The following IL1RAPL2 variants were observed in gnomAD, a reference collection of about 807,000 sequenced individuals.
The protein encoded by IL1RAPL2 is X-linked interleukin-1 receptor accessory protein-like 2.
A neutral mutation model predicts 44.1 loss-of-function variants in IL1RAPL2; 3 were observed. That is an observed-to-expected ratio of 0.07 (90% CI 0.03 to 0.18). The LOEUF (loss-of-function observed/expected upper bound fraction) is 0.18. Among genes scored for constraint, IL1RAPL2 ranks in the 10% least tolerant of loss-of-function variants. The pLI is 1.00. For synonymous variants in IL1RAPL2, 181 were observed against 178.8 expected, an observed-to-expected ratio of 1.01 and a Z score of -0.10; for missense variants, 391 against 496.4, an observed-to-expected ratio of 0.79 and a Z score of 2.02.
At chrX:104,726,916 T>A (rs193206246) in intron 2 of IL1RAPL2, among the ~76,000 whole-genome samples, 1 of 109,647 alleles carries the variant, frequency 9.1e-6, no homozygotes, top group South Asian at 3.9e-4. Flanking sequence ...TTATATGGAT[T>A]TTCTATCTCT....
intron 6 of IL1RAPL2, among the ~76,000 whole-genome samples, chrX:105,557,622 A>T (rs1349845991): frequency 2.7e-5 from 3 of 111,162 alleles, no homozygotes; most frequent in Non-Finnish European, 5.7e-5. Context: ...AATACAAAAA[A>T]ATCTCCCTTC....
intron 2 of IL1RAPL2, among the ~76,000 whole-genome samples, chrX:104,956,461 A>AGTGTGTGTGTGTGTGTGTGTGTGTGTGT (rs59541869): frequency 1.1e-3 from 92 of 84,085 alleles, no homozygotes; most frequent in African/African-American, 3.7e-3. Flanking sequence ...GTCTCTACTA[A>AGTGTGTGTGTGTGTGTGTGTGTGTGTGT]GTGTGTGTGT....
intron 10 of IL1RAPL2, among the ~76,000 whole-genome samples, chrX:105,766,574 A>G (rs1424838841): frequency 9.0e-6 from 1 of 111,246 alleles, no homozygotes; most frequent in Non-Finnish European, 1.9e-5. Flanking sequence ...AAACCCATAA[A>G]TACAGTAACT....
rs1010685667 is a variant in IL1RAPL2, at chrX:105,440,336, A to C, written c.698-43977A>C. ...TGAAAAGATGGCATAATTTAACTATATTAATAGTTTTAGGTTTAAGTGAAG... is the reference window on the plus strand; with the variant it reads ...TGAAAAGATGGCATAATTTAACTATCTTAATAGTTTTAGGTTTAAGTGAAG... On this transcript the variant is annotated intron_variant, in intron 5 of 10. Transcript: ENST00000372582. Among the ~76,000 whole-genome samples, 5 of 112,419 alleles carry C rather than the reference A, an allele frequency of 4.4e-5. No individual in the cohort carries two copies. The East Asian group carries it at 1.4e-3, about 32-fold the overall frequency.
At chrX:104,951,151 C>A (rs368952701) in intron 2 of IL1RAPL2, among the ~76,000 whole-genome samples, 1 of 112,043 alleles carries the variant, frequency 8.9e-6, no homozygotes, top group Non-Finnish European at 1.9e-5. Flanking sequence ...GCGTCACTCA[C>A]GCTGGGAGCT....
At chrX:104,838,261 A>C (rs1349704510) in intron 2 of IL1RAPL2, among the ~76,000 whole-genome samples, 1 of 111,993 alleles carries the variant, frequency 8.9e-6, no homozygotes, top group African/African-American at 3.2e-5. Flanking sequence ...TATTCTGAGA[A>C]GAAAGTCAGT....
intron 6 of IL1RAPL2, among the ~76,000 whole-genome samples, chrX:105,635,173 G>A (rs1428450711): frequency 8.9e-6 from 1 of 111,835 alleles, no homozygotes; most frequent in Admixed American, 9.6e-5. Context: ...AGCAAAATTT[G>A]TGGTGCTAGT....
intron 5 of IL1RAPL2, among the ~76,000 whole-genome samples, chrX:105,354,895 C>A (rs1318786493): frequency 9.0e-6 from 1 of 111,438 alleles, no homozygotes; most frequent in Non-Finnish European, 1.9e-5. Context: ...ATTCCCCCTC[C>A]TATGCTCTCC....
intron 2 of IL1RAPL2, among the ~76,000 whole-genome samples, chrX:104,698,132 C>T (rs1319207462): frequency 1.8e-5 from 2 of 112,453 alleles, no homozygotes; most frequent in Non-Finnish European, 3.8e-5. Context: ...GGGGCCCTTT[C>T]CATAGGGCAG....
intron 1 of IL1RAPL2, among the ~76,000 whole-genome samples, chrX:104,593,267 G>A (rs1173449143): frequency 4.5e-5 from 5 of 111,492 alleles, no homozygotes; most frequent in Non-Finnish European, 9.4e-5. Flanking sequence ...AAAGGGAATT[G>A]GTAGCATTCA....
chrX:104,621,820 C>G (rs1053319350), intron 1 of IL1RAPL2, among the ~76,000 whole-genome samples: 3 of 111,723 alleles, frequency 2.7e-5, no homozygotes, highest in Non-Finnish European at 3.8e-5. Context: ...GGACTATGAA[C>G]AGTACTCAGT....
intron 2 of IL1RAPL2, among the ~76,000 whole-genome samples, chrX:105,141,183 T>C (rs1460160652): frequency 1.8e-5 from 2 of 111,511 alleles, no homozygotes; most frequent in African/African-American, 3.3e-5. Flanking sequence ...AAGCTGCATC[T>C]TTCATTTAGA....
intron 2 of IL1RAPL2, among the ~76,000 whole-genome samples, chrX:105,001,241 T>C (rs916879035): frequency 9.0e-6 from 1 of 111,623 alleles, no homozygotes; most frequent in South Asian, 3.7e-4. Context: ...CGTTGCCTAA[T>C]GTTGGATCTT....
chrX:104,652,009 G>A (rs187971790), intron 1 of IL1RAPL2, among the ~76,000 whole-genome samples: 1 of 112,128 alleles, frequency 8.9e-6, no homozygotes, highest in East Asian at 2.8e-4. Flanking sequence ...AAGTGGCAAA[G>A]TCAGACTGGA....
At chrX:104,583,608 T>C (rs1298015815) in intron 1 of IL1RAPL2, among the ~76,000 whole-genome samples, 2 of 112,374 alleles carry the variant, frequency 1.8e-5, no homozygotes, top group African/African-American at 3.2e-5. Flanking sequence ...TAATATTTCA[T>C]AGTATCTATA....
chrX:105,176,241 ATAGTAAC>A (rs2033472613), intron 2 of IL1RAPL2, among the ~76,000 whole-genome samples: 1 of 111,288 alleles, frequency 9.0e-6, no homozygotes, highest in Admixed American at 9.5e-5. Context: ...CTAAATGCAT[ATAGTAAC>A]ATGGAATATC....
chrX:105,077,662 CT>C (rs2147544590), intron 2 of IL1RAPL2, among the ~76,000 whole-genome samples: 1 of 112,163 alleles, frequency 8.9e-6, no homozygotes, highest in African/African-American at 3.2e-5. Flanking sequence ...TCCATTCTCT[CT>C]GTCACTTTCA....
At chrX:105,512,701 G>A (rs191261562) in intron 6 of IL1RAPL2, among the ~76,000 whole-genome samples, 83 of 111,327 alleles carry the variant, frequency 7.5e-4, no homozygotes, top group African/African-American at 2.6e-3. Flanking sequence ...AAATAATTAC[G>A]AGAGAAATAA....
intron 2 of IL1RAPL2, among the ~76,000 whole-genome samples, chrX:104,813,368 G>A (rs1236915798): frequency 9.3e-6 from 1 of 107,652 alleles, no homozygotes; most frequent in Admixed American, 1.0e-4. Flanking sequence ...ATCAGATGGG[G>A]CTGAAAAGGT....
Sources: allele counts gnomAD v4.1 joint callset (sites outside exome capture counted in the v4.1 genomes callset), GRCh38; gene constraint gnomAD v4.1.1; transcripts MANE v1.5; gene names NCBI Gene and HGNC (gene_info 2026-07-23, HGNC 2026-07-21).